Variants in SLCO2B1 observed in about 807,000 individuals in gnomAD.
The protein encoded by SLCO2B1 is OATP-RP2.
Under a neutral mutation model 67.3 loss-of-function variants are expected in SLCO2B1, and 41 were observed. The observed-to-expected ratio is 0.61, with a 90% CI of 0.47 to 0.79. The LOEUF is 0.79. Among genes scored for constraint, SLCO2B1 ranks in the 30% least tolerant of loss-of-function variants. The pLI is 0.00. For missense variants in SLCO2B1, 837 were observed against 920.1 expected, an observed-to-expected ratio of 0.91 and a Z score of 1.17; for synonymous variants, 379 against 381.4, an observed-to-expected ratio of 0.99 and a Z score of 0.07.
At chr11:75,170,456 C>G (rs1329206098) in intron 6 of SLCO2B1, among the ~76,000 whole-genome samples, 1 of 152,048 alleles carries the variant, frequency 6.6e-6, no homozygotes, top group Non-Finnish European at 1.5e-5. Context: ...GTTCTGGAGT[C>G]CTTGGAGAGC....
intron 1 of SLCO2B1, among the ~76,000 whole-genome samples, chr11:75,158,589 C>G (rs1449840377): frequency 6.6e-6 from 1 of 152,102 alleles, no homozygotes; most frequent in East Asian, 1.9e-4. Flanking sequence ...GGGTGACTAT[C>G]CTAGGTTTTA....
chr11:75,165,906 G>T lies in SLCO2B1; in HGVS notation c.405G>T (p.Pro135=). Residue 135 remains proline (P), a synonymous_variant, in exon 4 of 14, where the codon CCG becomes CCT. Coordinates refer to ENST00000289575, the MANE Select transcript of SLCO2B1 (RefSeq NM_007256.5). ...TGGCGGGCCTGCTCATGACTCTCCC[G>T]CACTTCATCTCGGAGCCATACCGCT... ...VALAGLLMTL[P]HFISEPYRYD... is the part of the protein sequence containing the mutation. The T allele has an allele frequency of 2.5e-6, 4 of 1,614,040 alleles. No individual in the cohort carries two copies. The highest frequency in any genetic ancestry group is 1.3e-5 in the African/African-American group (1 of 75,014).
chr11:75,169,446 C>T (rs748650777), intron 5 of SLCO2B1, 40 bp downstream of exon 5: 3 of 1,512,442 alleles, frequency 2.0e-6, no homozygotes, highest in Non-Finnish European at 2.7e-6. Flanking sequence ...GAGGGTCAGG[C>T]CAGGCTCAAC....
At chr11:75,163,072 G>A (rs1046218879) in intron 2 of SLCO2B1, 2 of 276,968 alleles carry the variant, frequency 7.2e-6, no homozygotes, top group African/African-American at 4.4e-5. Context: ...AAACAGAGAA[G>A]TGCCCTGGGG....
At chr11:75,191,035 G>C (rs1194543603) in intron 8 of SLCO2B1, among the ~76,000 whole-genome samples, 1 of 152,180 alleles carries the variant, frequency 6.6e-6, no homozygotes, top group Non-Finnish European at 1.5e-5. Flanking sequence ...GGAGAGATGG[G>C]GGATGGCTAC....
chr11:75,205,471 G>A lies in SLCO2B1; in HGVS notation c.*891G>A, dbSNP rs1565554985. On this transcript the variant is annotated 3_prime_UTR_variant, in exon 14 of 14. Coordinates refer to ENST00000289575, the MANE Select transcript of SLCO2B1 (RefSeq NM_007256.5). The stretch of plus-strand genomic sequence containing the variant: ...CTCACTGATTCCTACACATTGCCAA[G>A]ATTTCACACATGTGACCAGGGGCCA... 6.6e-6 allele frequency: 1 copy of A among 152,274 alleles called. No individual in the cohort carries two copies. The highest frequency in any genetic ancestry group is 1.5e-5 in the Non-Finnish European group (1 of 68,044). 9.4% of individuals were successfully genotyped at this position (152,274 alleles called of 1,614,324 possible).
intron 2 of SLCO2B1, 164 bp downstream of exon 2, chr11:75,162,949 G>C (rs890012112): frequency 7.4e-6 from 6 of 814,352 alleles, no homozygotes; most frequent in Non-Finnish European, 1.1e-5. Context: ...GCACTCAGCT[G>C]GGTTTCGGGC....
chr11:75,152,374 A>G (rs1472432848), intron 1 of SLCO2B1: 2 of 152,452 alleles, frequency 1.3e-5, no homozygotes, highest in Admixed American at 6.5e-5. Context: ...GGAGAGCTTC[A>G]TAGGCCATGG....
chr11:75,179,589 G>A (rs1445727719), intron 7 of SLCO2B1, among the ~76,000 whole-genome samples: 1 of 151,560 alleles, frequency 6.6e-6, no homozygotes, highest in African/African-American at 2.4e-5. Flanking sequence ...GGGTAAATGG[G>A]GTATCCAACA....
chr11:75,152,674 C>G (rs1053990582), intron 1 of SLCO2B1, among the ~76,000 whole-genome samples: 1 of 152,068 alleles, frequency 6.6e-6, no homozygotes, highest in African/African-American at 2.4e-5. Context: ...CCCCACAAGT[C>G]CCCCCAGTAC....
chr11:75,190,949 C>T lies in SLCO2B1; in HGVS notation c.1076-2269C>T, dbSNP rs774656773. 2.4e-4 allele frequency among the ~76,000 whole-genome samples: 36 copies of T among 152,204 alleles called. 1 individual carries two copies. The highest frequency in any genetic ancestry group is 4.6e-4 in the Non-Finnish European group (31 of 68,038). ...GCCCTGGAATTCCCCTGCAGGTAGA[C>T]CTATCTCAGTGAAAGGCATAGCCTC... On this transcript the variant is annotated intron_variant, in intron 8 of 13. Coordinates refer to ENST00000289575, the MANE Select transcript of SLCO2B1 (RefSeq NM_007256.5).
chr11:75,204,432 G>T lies in SLCO2B1; in HGVS notation c.1982G>T (p.Gly661Val), dbSNP rs199644096. ...GGCCTCCAGTTCTTCTTCAAAACAG[G>T]TTCTGTGATCTGCTTCGCCTTAGTT... ...FIGLQFFFKTGSVICFALVLA... is the reference protein window; with the variant it reads ...FIGLQFFFKTVSVICFALVLA... Residue 661 changes from glycine (G) to valine (V), a missense_variant, in exon 14 of 14, where the codon GGT (glycine) becomes GTT (valine). Transcript: ENST00000289575. 111 of 1,610,958 alleles carry T rather than the reference G, an allele frequency of 6.9e-5. No homozygotes were observed. Among genetic ancestry groups the T allele is most frequent in the Non-Finnish European group, 7.7e-5 (91 of 1,178,638 alleles).
At chr11:75,178,577 G>A (rs1287238230) in intron 7 of SLCO2B1, among the ~76,000 whole-genome samples, 1 of 152,008 alleles carries the variant, frequency 6.6e-6, no homozygotes, top group Non-Finnish European at 1.5e-5. Context: ...TATGCATTGG[G>A]GAGTGGATAA....
At position 75,193,544 on chromosome 11, in the gene SLCO2B1, C is replaced by A. The variant is rs1389051572; in HGVS notation, c.1402C>A (p.His468Asn). Reference sequence around the variant, plus strand: ...GCTCTTCTTTATCGGCTGCTCCAGCCACCAGATTGCGGGCATCACACACCA... The same window carrying A: ...GCTCTTCTTTATCGGCTGCTCCAGCAACCAGATTGCGGGCATCACACACCA... The part of the protein sequence containing the change: ...LPLFFIGCSS[H>N]QIAGITHQTS... The change falls in exon 9 of 14, where the codon CAC becomes AAC. Residue 468 changes from histidine (H) to asparagine (N), a missense_variant. His to Asn is a moderately conservative substitution (Grantham distance 68). Transcript: ENST00000289575. This position sits in a 1 kb window ranked among gnomAD's most constrained non-coding sequence, Gnocchi z 4.2. 1.3e-6 allele frequency: 2 copies of A among 1,568,440 alleles called. No homozygotes were observed. Among genetic ancestry groups the A allele is most frequent in the African/African-American group, 2.7e-5 (2 of 74,002 alleles).
intron 7 of SLCO2B1, among the ~76,000 whole-genome samples, chr11:75,174,219 G>A (rs1949998220): frequency 6.6e-6 from 1 of 152,216 alleles, no homozygotes; most frequent in East Asian, 1.9e-4. Context: ...AGTATGGGAG[G>A]TGGCTGTTGA....
In SLCO2B1 at chr11:75,165,734, C is replaced by T. The variant is rs540016511; in HGVS notation, c.286-53C>T. ...GACATAGAGACAAGGATAGTGCAGGCCCCCAGCCCTGGGAACTGTTCCACC... is the reference window on the plus strand; with the variant it reads ...GACATAGAGACAAGGATAGTGCAGGTCCCCAGCCCTGGGAACTGTTCCACC... On this transcript the variant is annotated intron_variant, in intron 3 of 13. Coordinates refer to ENST00000289575, the MANE Select transcript of SLCO2B1 (RefSeq NM_007256.5). The T allele has an allele frequency of 2.5e-6, 4 of 1,574,290 alleles. No individual in the cohort carries two copies. In the South Asian group the frequency reaches 4.5e-5, roughly 18 times the overall value.
chr11:75,169,794 C>A (rs1477627178), intron 6 of SLCO2B1, 30 bp downstream of exon 6: 1 of 1,551,948 alleles, frequency 6.4e-7, no homozygotes, highest in Non-Finnish European at 8.9e-7. Flanking sequence ...GTTTGCTAGA[C>A]CCTAGCTAAC....
intron 4 of SLCO2B1, among the ~76,000 whole-genome samples, chr11:75,168,534 C>A (rs980155408): frequency 1.3e-5 from 2 of 152,312 alleles, no homozygotes; most frequent in South Asian, 2.1e-4. Flanking sequence ...TTAAGAAATT[C>A]TTTTCTGTAC....
Position 75,188,367 on chromosome 11 carries a change from C to T in SLCO2B1, c.1075+129C>T. 6.1e-6 allele frequency: 4 copies of T among 653,706 alleles called. No individual in the cohort carries two copies. The South Asian group carries it at 7.2e-5, about 12-fold the overall frequency. The allele number at this position is 653,706 out of a possible 1,614,324, so 40.5% of individuals were successfully genotyped here. A position where few individuals can be genotyped will look rare whatever the true frequency, so the allele number is the denominator to read the frequency against. ...GCAGACCCCTCATGAGCACCATCTA[C>T]TCCTTGTGAGTCTTTGCACATGCAA... On this transcript the variant is annotated intron_variant, in intron 8 of 13. Coordinates refer to ENST00000289575, the MANE Select transcript of SLCO2B1 (RefSeq NM_007256.5).
Sources: allele counts gnomAD v4.1 joint callset (sites outside exome capture counted in the v4.1 genomes callset), GRCh38; gene constraint gnomAD v4.1.1; non-coding constraint Gnocchi (gnomAD v3.1); transcripts MANE v1.5; gene names NCBI Gene and HGNC (gene_info 2026-07-23, HGNC 2026-07-21).